RANBP17: variants seen among roughly 807,000 people sequenced by gnomAD.
RANBP17 encodes the protein RAN binding protein 17.
RANBP17 carries 158 observed loss-of-function variants against 141.2 expected under a neutral mutation model. The observed-to-expected ratio is 1.12, with a 90% CI of 0.98 to 1.28. RANBP17 has a LOEUF of 1.28. Among genes scored for constraint, RANBP17 ranks in the 50% most tolerant of loss-of-function variants. The pLI, the probability that RANBP17 is intolerant of heterozygous loss-of-function variation, is 0.00. For missense variants in RANBP17, 1,438 were observed against 1,290.7 expected (o/e 1.11, Z -1.75); for synonymous variants, 430 against 450.0 (o/e 0.96, Z 0.56).
chr5:171,152,262 A>AT (rs1758539597), intron 14 of RANBP17, among the ~76,000 whole-genome samples: 1 of 151,410 alleles, frequency 6.6e-6, no homozygotes, highest in African/African-American at 2.4e-5. Flanking sequence ...AAAAAAAAAA[A>AT]GTAAAAAATT....
intron 14 of RANBP17, among the ~76,000 whole-genome samples, chr5:171,041,753 T>A (rs938515006): frequency 1.3e-5 from 2 of 152,082 alleles, no homozygotes; most frequent in African/African-American, 4.8e-5. Flanking sequence ...TAATATTATT[T>A]TAAGTTCTGG....
chr5:171,089,642 T>G (rs1260553204), intron 14 of RANBP17, among the ~76,000 whole-genome samples: 1 of 152,154 alleles, frequency 6.6e-6, no homozygotes, highest in Non-Finnish European at 1.5e-5. Flanking sequence ...CCGAGCCAGG[T>G]GTGGGATATA....
At chr5:171,263,139 C>T (rs1056060307) in intron 24 of RANBP17, among the ~76,000 whole-genome samples, 9 of 152,160 alleles carry the variant, frequency 5.9e-5, no homozygotes, top group African/African-American at 1.9e-4. Context: ...CTGTAATCTA[C>T]GTCAGGCATA....
At chr5:170,896,324 C>T (rs1269547554) in intron 5 of RANBP17, 1 of 506,952 alleles carries the variant, frequency 2.0e-6, no homozygotes, top group East Asian at 3.3e-5. Context: ...TGCAATAGTA[C>T]AGAGTATTAC....
In RANBP17 at chr5:170,968,388, A is replaced by G; in HGVS notation, c.1710+11A>G. 8 of 1,602,250 alleles carry G rather than the reference A, an allele frequency of 5.0e-6. No homozygotes were observed. Among genetic ancestry groups the G allele is most frequent in the African/African-American group, 1.3e-5 (1 of 74,540 alleles). On this transcript the variant is annotated intron_variant, in intron 14 of 27. Coordinates refer to ENST00000523189, the MANE Select transcript of RANBP17 (RefSeq NM_022897.5). The stretch of plus-strand genomic sequence containing the variant: ...CAAAGAACCTCAAAGGTAGGTTTCT[A>G]CTAGAGAGTTTAAAACATGTTATTG...
At chr5:170,926,645 A>G (rs2339179) in intron 12 of RANBP17, among the ~76,000 whole-genome samples, 89,479 of 151,870 alleles carry the variant, frequency 0.59, 28,011 homozygotes, top group South Asian at 0.81. Context: ...ATCAAACTTG[A>G]TTTTGATTAA....
At chr5:170,975,976 G>T (rs915310348) in intron 14 of RANBP17, among the ~76,000 whole-genome samples, 2 of 133,688 alleles carry the variant, frequency 1.5e-5, no homozygotes, top group African/African-American at 2.6e-5. Context: ...GTTCTATTGA[G>T]ATAAATAGGC....
At chr5:170,992,655 A>G (rs1778580430) in intron 14 of RANBP17, among the ~76,000 whole-genome samples, 1 of 152,074 alleles carries the variant, frequency 6.6e-6, no homozygotes, top group South Asian at 2.1e-4. Flanking sequence ...AAAGAAAATT[A>G]AAGTGGTGAT....
intron 25 of RANBP17, among the ~76,000 whole-genome samples, chr5:171,267,598 G>A (rs1766811404): frequency 6.6e-6 from 1 of 152,114 alleles, no homozygotes; most frequent in African/African-American, 2.4e-5. Context: ...CATGAGGTCA[G>A]GAGTTCGAGA....
intron 14 of RANBP17, among the ~76,000 whole-genome samples, chr5:170,985,750 A>C (rs114707828): frequency 0.012 from 1,778 of 152,280 alleles, 31 homozygotes; most frequent in African/African-American, 0.041. Flanking sequence ...ATTCTCCTGG[A>C]AAGGATTGCC....
chr5:171,191,580 G>A lies in RANBP17; in HGVS notation c.2039-8090G>A, dbSNP rs917012387. 1.5e-4 allele frequency among the ~76,000 whole-genome samples: 23 copies of A among 151,966 alleles called. 1 individual carries two copies. Among genetic ancestry groups the A allele is most frequent in the Admixed American group, 9.2e-4 (14 of 15,258 alleles). ...CGGGTCTCTGTAGTCCCAGCTACTC[G>A]GGAGGCTGAGGCAGGAGAATGGCGT... is the stretch of plus-strand genomic sequence containing the variant. On this transcript the variant is annotated intron_variant, in intron 18 of 27. Transcript: ENST00000523189.
At chr5:170,900,035 T>C (rs12518385) in intron 5 of RANBP17, among the ~76,000 whole-genome samples, 7,821 of 152,264 alleles carry the variant, frequency 0.051, 320 homozygotes, top group Admixed American at 0.12. Flanking sequence ...CCTCATAAAA[T>C]GAATTAGGGA....
At chr5:170,970,640 A>T (rs1776917821) in intron 14 of RANBP17, 1 of 152,094 alleles carries the variant, frequency 6.6e-6, no homozygotes, top group Non-Finnish European at 1.5e-5. Context: ...TCAAGGTCTG[A>T]TTGCAAAAAT....
chr5:170,971,975 G>T (rs1232971696), intron 14 of RANBP17, among the ~76,000 whole-genome samples: 3 of 151,996 alleles, frequency 2.0e-5, no homozygotes, highest in African/African-American at 7.3e-5. Context: ...ATTTGCTTCA[G>T]ATCTGTATAT....
chr5:170,923,023 A>G (rs947052039), intron 11 of RANBP17, among the ~76,000 whole-genome samples: 5 of 152,050 alleles, frequency 3.3e-5, no homozygotes, highest in Non-Finnish European at 5.9e-5. Context: ...GACTAAGTCC[A>G]ATGCTTTATT....
At chr5:171,123,613 G>A (rs1266581476) in intron 14 of RANBP17, among the ~76,000 whole-genome samples, 5 of 152,216 alleles carry the variant, frequency 3.3e-5, no homozygotes, top group African/African-American at 7.2e-5. Context: ...TGGCACCCAC[G>A]TGCATTCCCT....
chr5:170,996,020 A>G (rs1443529885), intron 14 of RANBP17, among the ~76,000 whole-genome samples: 2 of 152,056 alleles, frequency 1.3e-5, no homozygotes, highest in Non-Finnish European at 2.9e-5. Context: ...CTGGCAACAT[A>G]GGAGAAATTG....
At chr5:171,038,688 A>G (rs1464990112) in intron 14 of RANBP17, among the ~76,000 whole-genome samples, 2 of 152,090 alleles carry the variant, frequency 1.3e-5, no homozygotes, top group Non-Finnish European at 2.9e-5. Context: ...AGTTTTTTCC[A>G]CATCTATTGA....
intron 14 of RANBP17, among the ~76,000 whole-genome samples, chr5:171,062,460 GT>G (rs1363143634): frequency 2.0e-5 from 3 of 152,100 alleles, no homozygotes; most frequent in Admixed American, 6.6e-5. Flanking sequence ...TTGAAAATTT[GT>G]TTCTTTAATA....
Sources: allele counts gnomAD v4.1 joint callset (sites outside exome capture counted in the v4.1 genomes callset), GRCh38; gene constraint gnomAD v4.1.1; transcripts MANE v1.5; gene names NCBI Gene and HGNC (gene_info 2026-07-23, HGNC 2026-07-21).